The following ATAD2 variants were observed in gnomAD, a reference collection of about 807,000 sequenced individuals.
The protein encoded by ATAD2 is ATPase family AAA domain containing 2.
In ATAD2, 62 loss-of-function variants were observed where a neutral mutation model predicts 168.9. That is an observed-to-expected ratio of 0.37 (90% CI 0.30 to 0.45). ATAD2 has a LOEUF of 0.45. Ranked by LOEUF, ATAD2 falls within the 20% of genes least tolerant of loss-of-function variation. The probability of loss-of-function intolerance (pLI) is 1.00; values close to 1 mark genes in which losing one functional copy is unlikely to be tolerated. For missense variants in ATAD2, 1,419 were observed against 1,667.8 expected, an observed-to-expected ratio of 0.85 and a Z score of 2.60; for synonymous variants, 613 against 571.6, an observed-to-expected ratio of 1.07 and a Z score of -1.03.
intron 27 of ATAD2, among the ~76,000 whole-genome samples, 159 bp from the exon 28 acceptor site, chr8:123,321,334 C>T (rs1034499745): frequency 2.7e-5 from 4 of 147,104 alleles, no homozygotes; most frequent in African/African-American, 1.1e-4. Context: ...AAGACTGCCA[C>T]ATAGATTTTA....
At chr8:123,403,478 T>C (rs1460523455) in intron 1 of ATAD2, among the ~76,000 whole-genome samples, 1 of 151,806 alleles carries the variant, frequency 6.6e-6, no homozygotes, top group African/African-American at 2.4e-5. Context: ...CAGGCTGCAG[T>C]GCAGTGGCTA....
intron 24 of ATAD2, among the ~76,000 whole-genome samples, chr8:123,333,236 A>T (rs1827825516): frequency 6.9e-6 from 1 of 144,108 alleles, no homozygotes; most frequent in South Asian, 2.3e-4. Flanking sequence ...AAATACAAAA[A>T]AAAAAAAAAA....
intron 1 of ATAD2, among the ~76,000 whole-genome samples, chr8:123,408,504 G>A (rs746715796): frequency 1.3e-5 from 2 of 151,126 alleles, no homozygotes; most frequent in African/African-American, 2.4e-5. Context: ...CTCCCCTCCC[G>A]TCCCCTCCCC....
At chr8:123,415,714 C>A (rs1388644509) in intron 1 of ATAD2, among the ~76,000 whole-genome samples, 1 of 152,180 alleles carries the variant, frequency 6.6e-6, no homozygotes, top group Admixed American at 6.5e-5. Flanking sequence ...CTTGCCTCAG[C>A]CTCCCGAGTA....
Position 123,369,972 on chromosome 8 carries a change from TTCATCTTCACCA to T in ATAD2, c.768_779del (p.Asp256_Asp259del). On this transcript the variant is annotated inframe_deletion, in exon 7 of 28. Coordinates refer to ENST00000287394, the MANE Select transcript of ATAD2 (RefSeq NM_014109.4). ...CATCATCATCATCATCTTCATCATCTTCATCTTCACCATCATCTTCATGTTCTTGGTCTTCAC... is the reference window on the plus strand; with the variant it reads ...CATCATCATCATCATCTTCATCATCTTCATCTTCATGTTCTTGGTCTTCAC... 6.3e-7 allele frequency: 1 copy of T among 1,581,722 alleles called. No homozygotes were observed. Among genetic ancestry groups the T allele is most frequent in the Non-Finnish European group, 8.7e-7 (1 of 1,153,172 alleles).
At chr8:123,372,779 G>A in intron 2 of ATAD2, 93 bp from the exon 3 acceptor site, 1 of 1,041,438 alleles carries the variant, frequency 9.6e-7, no homozygotes, top group Admixed American at 2.7e-5. Context: ...TCCAACAGGA[G>A]TGCAGTGGCA....
intron 24 of ATAD2, among the ~76,000 whole-genome samples, chr8:123,333,229 TAC>T (rs1827824355): frequency 6.3e-4 from 1 of 1,600 alleles, no homozygotes; most frequent in African/African-American, 2.5e-3. Flanking sequence ...TCTCTAAAAA[TAC>T]AAAAAAAAAA....
intron 26 of ATAD2, among the ~76,000 whole-genome samples, chr8:123,324,149 T>C (rs1827546314): frequency 1.3e-5 from 2 of 152,214 alleles, no homozygotes; most frequent in African/African-American, 2.4e-5. Flanking sequence ...CTACAGTTTT[T>C]TGAGAGAAAC....
intron 1 of ATAD2, among the ~76,000 whole-genome samples, chr8:123,381,578 C>T (rs1320040052): frequency 2.0e-5 from 3 of 152,022 alleles, no homozygotes; most frequent in African/African-American, 7.3e-5. Context: ...CTTTATGTAA[C>T]TTCATTTTAG....
chr8:123,386,556 C>T (rs1829650870), intron 1 of ATAD2, among the ~76,000 whole-genome samples: 1 of 151,918 alleles, frequency 6.6e-6, no homozygotes, highest in Non-Finnish European at 1.5e-5. Flanking sequence ...AGTTTCAATT[C>T]TGGAAGATGA....
intron 1 of ATAD2, among the ~76,000 whole-genome samples, chr8:123,393,009 C>T (rs1812658373): frequency 6.6e-6 from 1 of 151,992 alleles, no homozygotes; most frequent in Admixed American, 6.6e-5. Flanking sequence ...ACGGTGAAAC[C>T]TTGTCTCTAC....
At chr8:123,372,066 G>T (rs1343955660) in intron 3 of ATAD2, among the ~76,000 whole-genome samples, 1 of 152,110 alleles carries the variant, frequency 6.6e-6, no homozygotes, top group Non-Finnish European at 1.5e-5. Flanking sequence ...GTAATACAAA[G>T]ACTTGTACAT....
chr8:123,347,342 GC>G lies in ATAD2; in HGVS notation c.1961del (p.Arg654ProfsTer28), dbSNP rs762792749. On this transcript the variant is annotated frameshift_variant, in exon 16 of 28. Coordinates refer to ENST00000287394, the MANE Select transcript of ATAD2 (RefSeq NM_014109.4). LOFTEE classifies it high-confidence loss of function. Reference protein sequence around the residue: ...AEAALCALRRRYPQIYTTSEK... With the variant: ...AEAALCALRRXYPQIYTTSEK... ...CACTAGTGGTATAGATCTGTGGGTA[GC>G]GTCGTCGTAAAGCACATAAAGCAGC... 6.2e-6 allele frequency: 10 copies of G among 1,613,652 alleles called. No individual in the cohort carries two copies. Among genetic ancestry groups the G allele is most frequent in the Non-Finnish European group, 8.5e-7 (1 of 1,179,988 alleles).
chr8:123,347,462 A>G, intron 15 of ATAD2, 56 bp from the exon 16 acceptor site: 1 of 1,450,356 alleles, frequency 6.9e-7, no homozygotes, highest in Non-Finnish European at 9.3e-7. Flanking sequence ...AAGAAACACA[A>G]AACTCTATTA....
chr8:123,386,053 T>C (rs1177166001), intron 1 of ATAD2, among the ~76,000 whole-genome samples: 1 of 150,794 alleles, frequency 6.6e-6, no homozygotes, highest in Non-Finnish European at 1.5e-5. Flanking sequence ...ATAGCAATTG[T>C]TGGTGAGGAT....
intron 1 of ATAD2, among the ~76,000 whole-genome samples, chr8:123,389,463 A>C (rs1039207720): frequency 5.5e-4 from 83 of 150,654 alleles, no homozygotes; most frequent in African/African-American, 1.8e-3. Flanking sequence ...CACGGTGAAA[A>C]CCCAGTCTCT....
chr8:123,361,675 G>A, intron 8 of ATAD2, 29 bp from the exon 9 acceptor site: 1 of 1,550,980 alleles, frequency 6.4e-7, no homozygotes, highest in Non-Finnish European at 8.9e-7. Context: ...TTGAAATCAT[G>A]ATAAGGAAGG....
rs767291207 is a variant in ATAD2 at position 123,348,250 on chromosome 8, A to G, written c.1830T>C (p.Ile610=). 2.5e-6 allele frequency: 4 copies of G among 1,597,052 alleles called. No individual in the cohort carries two copies. Among genetic ancestry groups the G allele is most frequent in the Non-Finnish European group, 3.4e-6 (4 of 1,174,344 alleles). ...DKEARKEILK[I]HTRDWNPKPL... The stretch of plus-strand genomic sequence containing the variant: ...GTTTGGGATTCCAATCCCTGGTGTG[A>G]ATCTTTAGAATCTCTTTTCGAGCCT... The change falls in exon 15 of 28, where the codon ATT becomes ATC. Residue 610 remains isoleucine, a synonymous_variant. Transcript: ENST00000287394.
At chr8:123,326,957 C>G (rs1005485988) in intron 25 of ATAD2, among the ~76,000 whole-genome samples, 1 of 152,052 alleles carries the variant, frequency 6.6e-6, no homozygotes, top group African/African-American at 2.4e-5. Flanking sequence ...GGCTGGAGTG[C>G]AGTGGCATGA....
Sources: allele counts gnomAD v4.1 joint callset (sites outside exome capture counted in the v4.1 genomes callset), GRCh38; gene constraint gnomAD v4.1.1; transcripts MANE v1.5; gene names NCBI Gene and HGNC (gene_info 2026-07-23, HGNC 2026-07-21).